Variants in NUBPL observed in about 807,000 individuals in gnomAD.
NUBPL encodes the protein iron-sulfur cluster transfer protein NUBPL.
NUBPL carries 31 observed loss-of-function variants against 45.7 expected under a neutral mutation model. The ratio of observed to expected loss-of-function variants is 0.68; its 90% CI spans 0.51 to 0.92. The LOEUF (loss-of-function observed/expected upper bound fraction) is 0.92. Ranked by LOEUF, NUBPL falls within the 40% of genes least tolerant of loss-of-function variation. The pLI is 0.00. For missense variants in NUBPL, 401 were observed against 398.7 expected (o/e 1.01, Z -0.05); for synonymous variants, 144 against 140.9 (o/e 1.02, Z -0.15).
chr14:31,607,169 T>C (rs2034623969), intron 4 of NUBPL, among the ~76,000 whole-genome samples: 1 of 152,012 alleles, frequency 6.6e-6, no homozygotes, highest in Non-Finnish European at 1.5e-5. Flanking sequence ...TTGCCTGAGC[T>C]CAGGAGTTCA....
At chr14:31,717,512 A>G (rs1445008870) in intron 6 of NUBPL, among the ~76,000 whole-genome samples, 1 of 152,120 alleles carries the variant, frequency 6.6e-6, no homozygotes, top group Non-Finnish European at 1.5e-5. Context: ...GTAGACCCAC[A>G]TTTTCCCCTA....
rs560564196 is a variant in NUBPL, at chr14:31,755,838, C to T, written c.514-31942C>T. On this transcript the variant is annotated intron_variant, in intron 6 of 10. Coordinates refer to ENST00000281081, the MANE Select transcript of NUBPL (RefSeq NM_025152.3). ...AGGGTTTTTATGGTTTTAGGTCTAA[C>T]GTTTAAGTCTTTAATCCATCTTGAA... 1.1e-3 allele frequency among the ~76,000 whole-genome samples: 166 copies of T among 150,604 alleles called. 1 individual carries two copies. Among genetic ancestry groups the T allele is most frequent in the Middle Eastern group, 6.9e-3 (2 of 290 alleles).
intron 6 of NUBPL, among the ~76,000 whole-genome samples, chr14:31,732,932 C>CAA (rs1371059213): frequency 8.5e-4 from 129 of 152,094 alleles, no homozygotes; most frequent in African/African-American, 3.1e-3. Context: ...ATGGTTAGTA[C>CAA]TTTTTTGGGT....
rs145339329 is a variant in NUBPL at position 31,684,566 on chromosome 14, AAGG to A, written c.513+10996_513+10998del. ...ATACCAACTGGTGGTTCATGTTGTT[AAGG>A]AGGTGTTTTCTCCCCTCTGCCATGG... On this transcript the variant is annotated intron_variant, in intron 6 of 10. Coordinates refer to ENST00000281081, the MANE Select transcript of NUBPL (RefSeq NM_025152.3). 8.5e-3 allele frequency among the ~76,000 whole-genome samples: 1,298 copies of A among 152,282 alleles called. 18 individuals carry two copies. The highest frequency in any genetic ancestry group is 0.03 in the African/African-American group (1,240 of 41,564).
At chr14:31,828,020 C>A (rs184958843) in intron 8 of NUBPL, among the ~76,000 whole-genome samples, 2 of 143,624 alleles carry the variant, frequency 1.4e-5, no homozygotes, top group African/African-American at 2.4e-5. Context: ...TCGTGAAAAT[C>A]GAGGAGGCTT....
At chr14:31,741,527 A>T (rs1028006859) in intron 6 of NUBPL, among the ~76,000 whole-genome samples, 1 of 152,078 alleles carries the variant, frequency 6.6e-6, no homozygotes, top group African/African-American at 2.4e-5. Flanking sequence ...GCATATTTCA[A>T]AATAGCTACT....
chr14:31,642,687 A>G (rs966914146), intron 4 of NUBPL, among the ~76,000 whole-genome samples: 6 of 152,112 alleles, frequency 3.9e-5, no homozygotes, highest in Admixed American at 1.3e-4. Context: ...GTGGTTCTGT[A>G]TACATTTTTG....
At chr14:31,753,021 G>A (rs1366443175) in intron 6 of NUBPL, among the ~76,000 whole-genome samples, 1 of 152,164 alleles carries the variant, frequency 6.6e-6, no homozygotes, top group African/African-American at 2.4e-5. Context: ...CTGCCCCCAT[G>A]GTACAATCAT....
At chr14:31,605,698 C>A (rs1274288599) in intron 4 of NUBPL, among the ~76,000 whole-genome samples, 1 of 152,096 alleles carries the variant, frequency 6.6e-6, no homozygotes, top group African/African-American at 2.4e-5. Flanking sequence ...CTGAGATCTT[C>A]TGCTTCTTTC....
rs1261622206 is a variant in NUBPL, at chr14:31,736,192, CG to C, written c.514-51587del. 1.9e-4 allele frequency among the ~76,000 whole-genome samples: 29 copies of C among 152,262 alleles called. No homozygotes were observed. The East Asian group carries it at 5.6e-3, about 29-fold the overall frequency. On this transcript the variant is annotated intron_variant, in intron 6 of 10. Coordinates refer to ENST00000281081, the MANE Select transcript of NUBPL (RefSeq NM_025152.3). ...CAAATTGCTTCCCAAAAGGATTAGG[CG>C]ACCTCCAAAGTTTTCTTGACATTGT...
At chr14:31,579,573 T>C (rs1021010434) in intron 3 of NUBPL, among the ~76,000 whole-genome samples, 1 of 152,220 alleles carries the variant, frequency 6.6e-6, no homozygotes, top group Non-Finnish European at 1.5e-5. Flanking sequence ...GGTAGTATTT[T>C]AGTATGTCAT....
intron 4 of NUBPL, among the ~76,000 whole-genome samples, chr14:31,655,301 A>G (rs1049211183): frequency 4.6e-5 from 7 of 152,216 alleles, no homozygotes; most frequent in Admixed American, 6.5e-5. Context: ...TTACTTCTTG[A>G]TCCACAGGCT....
chr14:31,693,499 T>C (rs951434203), intron 6 of NUBPL, among the ~76,000 whole-genome samples: 5 of 152,174 alleles, frequency 3.3e-5, no homozygotes, highest in African/African-American at 1.2e-4. Flanking sequence ...AGAGATAAAA[T>C]ATTAAATTAT....
intron 4 of NUBPL, among the ~76,000 whole-genome samples, chr14:31,616,412 T>A (rs1476746631): frequency 6.6e-6 from 1 of 152,210 alleles, no homozygotes; most frequent in African/African-American, 2.4e-5. Flanking sequence ...GGTCTTACGT[T>A]TAAGTCTTTA....
intron 4 of NUBPL, chr14:31,654,102 AGAC>A (rs1302730551): frequency 2.2e-6 from 1 of 454,828 alleles, no homozygotes. Flanking sequence ...GTCTTGTTCC[AGAC>A]CACCACAATA....
chr14:31,776,998 G>C (rs888225588), intron 6 of NUBPL, among the ~76,000 whole-genome samples: 3 of 152,180 alleles, frequency 2.0e-5, no homozygotes, highest in African/African-American at 7.2e-5. Flanking sequence ...TCACACCCAG[G>C]TTCCCAATCA....
chr14:31,740,841 C>A (rs35317729), intron 6 of NUBPL, among the ~76,000 whole-genome samples: 77,073 of 151,980 alleles, frequency 0.51, 20,946 homozygotes, highest in African/African-American at 0.72. Flanking sequence ...CAGTTTTGCA[C>A]CTTTCAACTG....
At chr14:31,568,106 GT>G (rs1204671608) in intron 3 of NUBPL, among the ~76,000 whole-genome samples, 2 of 152,244 alleles carry the variant, frequency 1.3e-5, no homozygotes, top group African/African-American at 2.4e-5. Context: ...CAGTAATATG[GT>G]TTTTTTCCTA....
At chr14:31,597,273 C>A (rs759432618) in intron 3 of NUBPL, among the ~76,000 whole-genome samples, 12 of 152,188 alleles carry the variant, frequency 7.9e-5, no homozygotes, top group Middle Eastern at 3.4e-3. Context: ...CAGAAGAATT[C>A]GAAAATCTTG....
Sources: allele counts gnomAD v4.1 joint callset (sites outside exome capture counted in the v4.1 genomes callset), GRCh38; gene constraint gnomAD v4.1.1; transcripts MANE v1.5; gene names NCBI Gene and HGNC (gene_info 2026-07-23, HGNC 2026-07-21).